CHL1: variants seen among roughly 807,000 people sequenced by gnomAD.
CHL1 encodes cell adhesion molecule L1 like.
CHL1 carries 96 observed loss-of-function variants against 141.9 expected under a neutral mutation model. The observed-to-expected ratio is 0.68, with a 90% CI of 0.57 to 0.80. The LOEUF is 0.80. Among genes scored for constraint, CHL1 ranks in the 30% least tolerant of loss-of-function variants. The pLI is 0.00. For synonymous variants in CHL1, 613 were observed against 502.2 expected (o/e 1.22, Z -2.95); for missense variants, 1,820 against 1,457.2 (o/e 1.25, Z -4.05).
intron 2 of CHL1, among the ~76,000 whole-genome samples, chr3:249,055 A>G (rs1055484911): frequency 3.3e-5 from 5 of 152,222 alleles, no homozygotes; most frequent in South Asian, 2.1e-4. Flanking sequence ...ATACCATGTA[A>G]AACATTGACA....
intron 1 of CHL1, among the ~76,000 whole-genome samples, chr3:199,089 T>C (rs1698684359): frequency 6.6e-6 from 1 of 152,236 alleles, no homozygotes; most frequent in African/African-American, 2.4e-5. Flanking sequence ...GGGACCACCA[T>C]TTGGCTTTCA....
intron 2 of CHL1, among the ~76,000 whole-genome samples, chr3:253,029 G>C (rs763074581): frequency 3.3e-5 from 5 of 151,918 alleles, no homozygotes; most frequent in Non-Finnish European, 4.4e-5. Flanking sequence ...ATTTAAGTGG[G>C]CTTGAATTTG....
intron 12 of CHL1, 21 bp downstream of exon 12, chr3:360,445 A>G (rs749760345): frequency 5.0e-6 from 8 of 1,611,528 alleles, no homozygotes; most frequent in Non-Finnish European, 6.8e-6. Context: ...CTGGGAGCTG[A>G]CTTAACATGC....
chr3:225,815 C>G (rs1261571157), intron 1 of CHL1, among the ~76,000 whole-genome samples: 1 of 152,168 alleles, frequency 6.6e-6, no homozygotes, highest in East Asian at 2.0e-4. Context: ...TGAGGCCATC[C>G]TGGCTAACTC....
chr3:261,918 A>G (rs1178348928), intron 2 of CHL1, among the ~76,000 whole-genome samples: 3 of 139,150 alleles, frequency 2.2e-5, no homozygotes, highest in Non-Finnish European at 4.8e-5. Flanking sequence ...CAGCTTGAGT[A>G]TATTTAAGCC....
At chr3:397,711 C>T (rs546872326) in intron 24 of CHL1, among the ~76,000 whole-genome samples, 1 of 152,030 alleles carries the variant, frequency 6.6e-6, no homozygotes, top group Non-Finnish European at 1.5e-5. Flanking sequence ...TGGTATGTAC[C>T]TGCAAGCCTG....
At chr3:292,814 A>T (rs1254429745) in intron 2 of CHL1, among the ~76,000 whole-genome samples, 1 of 152,092 alleles carries the variant, frequency 6.6e-6, no homozygotes, top group East Asian at 1.9e-4. Context: ...CACGCTTCTA[A>T]ACAACCAGAT....
intron 10 of CHL1, among the ~76,000 whole-genome samples, chr3:352,403 C>A (rs1703347363): frequency 6.6e-6 from 1 of 152,028 alleles, no homozygotes; most frequent in Non-Finnish European, 1.5e-5. Flanking sequence ...ATTTAGCTTG[C>A]TTAATATATA....
At chr3:203,116 G>A (rs1173976050) in intron 1 of CHL1, among the ~76,000 whole-genome samples, 1 of 152,024 alleles carries the variant, frequency 6.6e-6, no homozygotes, top group Non-Finnish European at 1.5e-5. Flanking sequence ...CCTTTTTTTG[G>A]TTATAATTGT....
intron 10 of CHL1, among the ~76,000 whole-genome samples, chr3:351,300 C>A (rs1343041374): frequency 1.3e-5 from 2 of 152,180 alleles, no homozygotes; most frequent in Non-Finnish European, 2.9e-5. Flanking sequence ...CAGCTATTAG[C>A]ACTATTGAGA....
At chr3:391,448 G>A (rs1318069958) in intron 22 of CHL1, among the ~76,000 whole-genome samples, 11 of 152,242 alleles carry the variant, frequency 7.2e-5, no homozygotes, top group East Asian at 3.9e-4. Flanking sequence ...CCCGGGAGGC[G>A]GAGGTTGCAA....
At chr3:236,888 C>CA (rs10665933) in intron 1 of CHL1, among the ~76,000 whole-genome samples, 2,719 of 142,012 alleles carry the variant, frequency 0.019, 184 homozygotes, top group African/African-American at 0.064. Flanking sequence ...ACTTTTAGGG[C>CA]AAAAAAAAAA....
At chr3:242,039 T>C (rs904040241) in intron 1 of CHL1, among the ~76,000 whole-genome samples, 2 of 152,182 alleles carry the variant, frequency 1.3e-5, no homozygotes, top group Non-Finnish European at 2.9e-5. Context: ...CCTTATCTAA[T>C]AGTGTTTGAG....
rs190848693 is a variant in CHL1 at position 358,749 on chromosome 3, G to A, written c.1166-1535G>A. 3.7e-3 allele frequency among the ~76,000 whole-genome samples: 558 copies of A among 151,760 alleles called. 4 individuals are homozygous for A. The highest frequency in any genetic ancestry group is 0.013 in the African/African-American group (536 of 41,396). On this transcript the variant is annotated intron_variant, in intron 11 of 27. Coordinates refer to ENST00000256509, the MANE Select transcript of CHL1 (RefSeq NM_006614.4). ...GTGACTCCTAGGCAGAAAAAGATGT[G>A]TAAGTCTTTTATTTCAATATGTAGT...
At position 342,973 on chromosome 3, in the gene CHL1, T is replaced by A; in HGVS notation, c.680-11T>A. The stretch of plus-strand genomic sequence containing the variant: ...ATGTTTGTGTTTTTTCCTTCCGTTT[T>A]TTTATTTCAGTAAAGCATGCTAATG... On this transcript the variant is annotated splice_polypyrimidine_tract_variant and intron_variant, in intron 7 of 27. Coordinates refer to ENST00000256509, the MANE Select transcript of CHL1 (RefSeq NM_006614.4). The A allele has an allele frequency of 1.9e-6, 3 of 1,600,404 alleles. No individual in the cohort carries two copies. The highest frequency in any genetic ancestry group is 2.6e-6 in the Non-Finnish European group (3 of 1,175,560).
intron 2 of CHL1, among the ~76,000 whole-genome samples, chr3:253,341 G>C (rs1006422394): frequency 2.0e-5 from 3 of 152,106 alleles, no homozygotes; most frequent in African/African-American, 7.2e-5. Flanking sequence ...TCTTCTCTGA[G>C]GAGTTATTGA....
intron 1 of CHL1, among the ~76,000 whole-genome samples, chr3:206,076 C>A (rs1297533463): frequency 6.6e-6 from 1 of 152,168 alleles, no homozygotes; most frequent in African/African-American, 2.4e-5. Flanking sequence ...TGTTCTGTGT[C>A]CCATTATCCA....
intron 2 of CHL1, among the ~76,000 whole-genome samples, chr3:289,860 G>A (rs917024340): frequency 1.3e-5 from 2 of 149,774 alleles, no homozygotes; most frequent in African/African-American, 4.9e-5. Context: ...ATGTGCTTTC[G>A]AGCATCAAAT....
chr3:226,808 G>C (rs1165665579), intron 1 of CHL1, among the ~76,000 whole-genome samples: 4 of 152,196 alleles, frequency 2.6e-5, no homozygotes, highest in Admixed American at 2.6e-4. Flanking sequence ...TCTCCAAAAT[G>C]TTGCCTTTCT....
Sources: allele counts gnomAD v4.1 joint callset (sites outside exome capture counted in the v4.1 genomes callset), GRCh38; gene constraint gnomAD v4.1.1; transcripts MANE v1.5; gene names NCBI Gene and HGNC (gene_info 2026-07-23, HGNC 2026-07-21).